JAK2: variants seen among roughly 807,000 people sequenced by gnomAD.
JAK2 encodes tyrosine-protein kinase JAK2.
Under a neutral mutation model 139.3 loss-of-function variants are expected in JAK2, and 86 were observed. The observed-to-expected ratio is 0.62, with a 90% confidence interval of 0.52 to 0.74. The LOEUF (loss-of-function observed/expected upper bound fraction) is 0.74, where lower values mean the gene tolerates loss of function less well. Ranked by LOEUF, JAK2 falls within the 30% of genes least tolerant of loss-of-function variation. The pLI is 0.00. For synonymous variants in JAK2, 490 were observed against 437.7 expected, an observed-to-expected ratio of 1.12 and a Z score of -1.49; for missense variants, 1,421 against 1,360.3, an observed-to-expected ratio of 1.04 and a Z score of -0.70.
chr9:5,110,907 C>T, intron 22 of JAK2: 1 of 558,912 alleles, frequency 1.8e-6, no homozygotes, highest in South Asian at 1.5e-5. Flanking sequence ...GCTCTGGCCC[C>T]AAGAGAATGA....
At chr9:5,080,956 C>G (rs1156308988) in intron 18 of JAK2, among the ~76,000 whole-genome samples, 1 of 134,046 alleles carries the variant, frequency 7.5e-6, no homozygotes, top group African/African-American at 2.8e-5. Flanking sequence ...AGTGCAGTGG[C>G]GCGATCTCGG....
At position 5,044,384 on chromosome 9, in the gene JAK2, T is replaced by A; in HGVS notation, c.351-19T>A. On this transcript the variant is annotated intron_variant, in intron 4 of 24. Coordinates refer to ENST00000381652, the MANE Select transcript of JAK2 (RefSeq NM_004972.4). Reference sequence around the variant, plus strand: ...TTGAACTATTTGGAAGCTGACCAAATGTTTTTATTATCTTGTAGATTTTAC... The same window carrying A: ...TTGAACTATTTGGAAGCTGACCAAAAGTTTTTATTATCTTGTAGATTTTAC... The A allele has an allele frequency of 1.3e-6, 2 of 1,508,442 alleles. No homozygotes were observed. Among genetic ancestry groups the A allele is most frequent in the Non-Finnish European group, 1.8e-6 (2 of 1,084,642 alleles). 93.4% of individuals were successfully genotyped at this position (1,508,442 alleles called of 1,614,324 possible).
In JAK2 at chr9:5,010,440, C is replaced by T. The variant is rs141691721; in HGVS notation, c.-25-11523C>T. Among the ~76,000 whole-genome samples, 1,002 of 152,208 alleles carry T rather than the reference C, an allele frequency of 6.6e-3. 9 individuals carry two copies. The highest frequency in any genetic ancestry group is 0.022 in the African/African-American group (923 of 41,526). ...GGTTCAAGCAATTCTCCTGCCTCAG[C>T]CTCCCGTGTAGCTGGGATTACAGGC... On this transcript the variant is annotated intron_variant, in intron 2 of 24. Coordinates refer to ENST00000381652, the MANE Select transcript of JAK2 (RefSeq NM_004972.4).
intron 2 of JAK2, among the ~76,000 whole-genome samples, chr9:5,019,682 C>T (rs1262879139): frequency 1.3e-5 from 2 of 152,036 alleles, no homozygotes; most frequent in Admixed American, 1.3e-4. Flanking sequence ...TTTGAATTTG[C>T]TTTCATAGGG....
chr9:5,013,688 GTTTTAATTGTT>G (rs1821857125), intron 2 of JAK2, among the ~76,000 whole-genome samples: 1 of 152,110 alleles, frequency 6.6e-6, no homozygotes, highest in Non-Finnish European at 1.5e-5. Flanking sequence ...TCCAGCCTAT[GTTTTAATTGTT>G]GTGTGAAACT....
intron 2 of JAK2, among the ~76,000 whole-genome samples, chr9:5,003,043 T>C (rs1411803007): frequency 1.3e-5 from 2 of 152,000 alleles, no homozygotes; most frequent in Non-Finnish European, 2.9e-5. Flanking sequence ...ATTAGGTAAC[T>C]GTATGTGAGT....
chr9:5,036,372 A>C (rs889307174), intron 4 of JAK2, among the ~76,000 whole-genome samples: 1 of 152,216 alleles, frequency 6.6e-6, no homozygotes, highest in Non-Finnish European at 1.5e-5. Flanking sequence ...ATTGGAAAAA[A>C]CTACTTTAAA....
At chr9:5,075,000 AC>A (rs1819214251) in intron 14 of JAK2, among the ~76,000 whole-genome samples, 1 of 152,232 alleles carries the variant, frequency 6.6e-6, no homozygotes, top group Admixed American at 6.5e-5. Flanking sequence ...TATTGATGAT[AC>A]AGAGAAAGTT....
intron 5 of JAK2, among the ~76,000 whole-genome samples, chr9:5,045,616 T>C (rs1816953978): frequency 1.3e-5 from 2 of 152,158 alleles, no homozygotes; most frequent in South Asian, 4.1e-4. Context: ...TTCTACTTTC[T>C]GAATATAAAT....
Position 5,128,874 on chromosome 9 carries a change from C to T in JAK2, c.*2083C>T, listed in dbSNP as rs1403579113. Among the ~76,000 whole-genome samples the T allele has an allele frequency of 6.6e-6, 1 of 151,968 alleles. No individual in the cohort carries two copies. Among genetic ancestry groups the T allele is most frequent in the African/African-American group, 2.4e-5 (1 of 41,438 alleles). ...AAATATTTTTCACGTTAATATTCTT[C>T]AGAAACAAGGGTAAAGGTATTCTTA... On this transcript the variant is annotated 3_prime_UTR_variant, in exon 25 of 25. Transcript: ENST00000381652.
chr9:4,989,063 A>T (rs1377445812), intron 2 of JAK2, among the ~76,000 whole-genome samples: 1 of 152,128 alleles, frequency 6.6e-6, no homozygotes, highest in Non-Finnish European at 1.5e-5. Context: ...TTCCACTCTA[A>T]TACTCCTTAT....
At chr9:5,010,789 G>T (rs1587822406) in intron 2 of JAK2, among the ~76,000 whole-genome samples, 1 of 152,152 alleles carries the variant, frequency 6.6e-6, no homozygotes, top group South Asian at 2.1e-4. Flanking sequence ...TGAGTTTGTT[G>T]GTGATGTACT....
At chr9:5,103,661 A>G (rs1264884079) in intron 22 of JAK2, among the ~76,000 whole-genome samples, 2 of 151,778 alleles carry the variant, frequency 1.3e-5, no homozygotes, top group African/African-American at 4.8e-5. Flanking sequence ...AATAGACCAC[A>G]TAGAAGTAAA....
intron 22 of JAK2, chr9:5,110,900 C>A: frequency 1.8e-6 from 1 of 550,874 alleles, no homozygotes; most frequent in East Asian, 4.5e-5. Flanking sequence ...GATGCCCGCT[C>A]TGGCCCCAAG....
intron 5 of JAK2, among the ~76,000 whole-genome samples, chr9:5,047,802 T>C (rs1043126738): frequency 1.3e-5 from 2 of 152,142 alleles, no homozygotes; most frequent in Non-Finnish European, 2.9e-5. Flanking sequence ...GGTCTCGCTC[T>C]ATTGTCCAGG....
At chr9:5,076,300 A>T (rs542660759) in intron 14 of JAK2, among the ~76,000 whole-genome samples, 1 of 152,194 alleles carries the variant, frequency 6.6e-6, no homozygotes, top group African/African-American at 2.4e-5. Context: ...GCTATCAAAC[A>T]GCATTGCATG....
At chr9:5,013,459 G>A (rs915977254) in intron 2 of JAK2, among the ~76,000 whole-genome samples, 1 of 152,054 alleles carries the variant, frequency 6.6e-6, no homozygotes, top group South Asian at 2.1e-4. Context: ...TTATATTCTT[G>A]GCTTCTTCTT....
At chr9:5,044,610 T>G in intron 5 of JAK2, 90 bp downstream of exon 5, 2 of 774,682 alleles carry the variant, frequency 2.6e-6, no homozygotes, top group Non-Finnish European at 2.0e-6. Context: ...ACTTTACATA[T>G]GGGAAAATTG....
In JAK2 at chr9:4,998,413, C is replaced by T. The variant is rs142912824; in HGVS notation, c.-26+12391C>T. On this transcript the variant is annotated intron_variant, in intron 2 of 24. Coordinates refer to ENST00000381652, the MANE Select transcript of JAK2 (RefSeq NM_004972.4). ...CTGGGATTATAGGCGCGCACCACCA[C>T]GCCCAGCTAATTTTTGTATTTTTAG... Among the ~76,000 whole-genome samples the T allele has an allele frequency of 9.0e-3, 1,377 of 152,228 alleles. 13 individuals carry two copies. The highest frequency in any genetic ancestry group is 0.02 in the Middle Eastern group (6 of 294).
Sources: gnomAD v4.1 joint callset for allele counts (sites outside exome capture counted in the v4.1 genomes callset) on GRCh38, gnomAD v4.1.1 for gene constraint, MANE v1.5 for transcripts, NCBI Gene and HGNC (gene_info 2026-07-23, HGNC 2026-07-21) for gene names.